Variants in GSE1 observed in about 807,000 individuals in gnomAD.
The protein encoded by GSE1 is Gse1 coiled-coil protein.
In GSE1, 32 loss-of-function variants were observed where a neutral mutation model predicts 112.6. The ratio of observed to expected loss-of-function variants is 0.28; its 90% confidence interval spans 0.21 to 0.38. The LOEUF (loss-of-function observed/expected upper bound fraction) is 0.38. Ranked by LOEUF, GSE1 falls within the 10% of genes least tolerant of loss-of-function variation. The pLI is 1.00. For synonymous variants in GSE1, 1,115 were observed against 735.6 expected (o/e 1.52, Z -8.35); for missense variants, 2,348 against 1,699.2 (o/e 1.38, Z -6.71).
chr16:85,548,243 A>AAAG (rs1555530643), intron 2 of GSE1, among the ~76,000 whole-genome samples: 7 of 132,218 alleles, frequency 5.3e-5, no homozygotes, highest in African/African-American at 1.7e-4. Context: ...AAAAAAAAAA[A>AAAG]AAAGAAAGAA....
At position 85,641,794 on chromosome 16, in the gene GSE1, C is replaced by G. The variant is rs531270178; in HGVS notation, c.227-6758C>G. The stretch of plus-strand genomic sequence containing the variant: ...AAGGAAAGTGGCTGGGGTGACTCAG[C>G]TCCTGTCCCACTTCCCTACTCACTG... On this transcript the variant is annotated intron_variant, in intron 2 of 15. Coordinates refer to ENST00000253458, the MANE Select transcript of GSE1 (RefSeq NM_014615.5). Among the ~76,000 whole-genome samples the G allele has an allele frequency of 5.9e-5, 9 of 152,378 alleles. 1 individual carries two copies. The East Asian group carries it at 1.7e-3, about 29-fold the overall frequency.
At chr16:85,344,863 T>C (rs2046700450) in intron 1 of GSE1, among the ~76,000 whole-genome samples, 1 of 152,218 alleles carries the variant, frequency 6.6e-6, no homozygotes. Flanking sequence ...TGGTGCCATG[T>C]GTGCTTCAGA....
chr16:85,524,003 G>A (rs938521028), intron 2 of GSE1, among the ~76,000 whole-genome samples: 3 of 152,304 alleles, frequency 2.0e-5, no homozygotes, highest in African/African-American at 4.8e-5. Flanking sequence ...TGCTGTTTCC[G>A]AGACCCCTGT....
chr16:85,674,665 G>C lies in GSE1; in HGVS notation c.*2126G>C, dbSNP rs557359666. ...TAAAGTAAAAGGGAAAAGTAGATCCGATAACTTAAAAACGTAGCTCATCCC... is the reference window on the plus strand; with the variant it reads ...TAAAGTAAAAGGGAAAAGTAGATCCCATAACTTAAAAACGTAGCTCATCCC... On this transcript the variant is annotated 3_prime_UTR_variant, in exon 16 of 16. Transcript: ENST00000253458. 6.6e-6 allele frequency: 1 copy of C among 152,208 alleles called. No homozygotes were observed. Among genetic ancestry groups the C allele is most frequent in the African/African-American group, 2.4e-5 (1 of 41,446 alleles). The allele number at this position is 152,208 out of a possible 1,614,324, so 9.4% of individuals were successfully genotyped here. A position where few individuals can be genotyped will look rare whatever the true frequency, so the allele number is the denominator to read the frequency against.
At chr16:85,517,849 A>G (rs1234364169) in intron 2 of GSE1, among the ~76,000 whole-genome samples, 5 of 152,248 alleles carry the variant, frequency 3.3e-5, no homozygotes, top group African/African-American at 1.2e-4. Context: ...CGCCGTGAAG[A>G]ACGACAAGCG....
chr16:85,329,228 C>T (rs1172182379), intron 1 of GSE1, among the ~76,000 whole-genome samples: 4 of 152,162 alleles, frequency 2.6e-5, no homozygotes, highest in Non-Finnish European at 5.9e-5. Flanking sequence ...CTTTTCTGCA[C>T]CTCAGTTTGT....
At chr16:85,189,499 G>A (rs184092380) in intron 1 of GSE1, among the ~76,000 whole-genome samples, 3 of 152,300 alleles carry the variant, frequency 2.0e-5, no homozygotes, top group African/African-American at 7.2e-5. Flanking sequence ...CAGTGAAAAT[G>A]GGAGGTTAGG....
chr16:85,623,410 A>G (rs1409854491), intron 1 of GSE1, among the ~76,000 whole-genome samples: 7 of 151,990 alleles, frequency 4.6e-5, no homozygotes, highest in Admixed American at 1.3e-4. Context: ...CCCTCTCTCC[A>G]TGGTACTGAC....
At chr16:85,649,582 C>G (rs2051163208) in intron 3 of GSE1, among the ~76,000 whole-genome samples, 1 of 152,176 alleles carries the variant, frequency 6.6e-6, no homozygotes, top group South Asian at 2.1e-4. Flanking sequence ...AGCTGCTCTT[C>G]TGCCGCTGCC....
intron 2 of GSE1, among the ~76,000 whole-genome samples, chr16:85,636,092 C>T (rs2049972881): frequency 6.6e-6 from 1 of 152,258 alleles, no homozygotes. Context: ...TGGCGGGAGG[C>T]CAGACACCAT....
chr16:85,672,181 G>A (rs551583917), intron 15 of GSE1: 1 of 543,830 alleles, frequency 1.8e-6, no homozygotes, highest in Admixed American at 2.4e-5. Context: ...TTGTTTAGTA[G>A]ATGGGGTTTC....
chr16:85,197,895 G>T (rs1401231960), intron 1 of GSE1, among the ~76,000 whole-genome samples: 1 of 152,234 alleles, frequency 6.6e-6, no homozygotes, highest in East Asian at 1.9e-4. Flanking sequence ...GCAAAAATCA[G>T]CGTGGTTCTC....
At position 85,270,235 on chromosome 16, in the gene GSE1, C is replaced by T. The variant is rs112618025; in HGVS notation, c.2284-87228C>T. On this transcript the variant is annotated intron_variant, in intron 1 of 2. Coordinates refer to the GSE1 transcript ENST00000637419. The stretch of plus-strand genomic sequence containing the variant: ...TCCCACCTGCCACAGCACAACTCTG[C>T]GGTCTCTGGGGACAAAACAGAACCA... Among the ~76,000 whole-genome samples, 443 of 149,020 alleles carry T rather than the reference C, an allele frequency of 3.0e-3. 45 individuals carry two copies. The highest frequency in any genetic ancestry group is 5.3e-3 in the Non-Finnish European group (353 of 66,044).
chr16:85,553,832 A>G (rs1212851379), upstream of GSE1, among the ~76,000 whole-genome samples: 2 of 152,132 alleles, frequency 1.3e-5, no homozygotes, highest in Admixed American at 1.3e-4. Flanking sequence ...TCTCTAGGGT[A>G]TCGTATTCCG....
Position 85,548,820 on chromosome 16 carries a change from T to TGA in GSE1, c.2465-85094_2465-85093insGA, listed in dbSNP as rs199870941. Among the ~76,000 whole-genome samples the TGA allele has an allele frequency of 8.0e-3, 1,219 of 152,296 alleles. 14 individuals are homozygous for TGA. Among genetic ancestry groups the TGA allele is most frequent in the African/African-American group, 0.027 (1,126 of 41,554 alleles). On this transcript the variant is annotated intron_variant, in intron 2 of 2. Coordinates refer to the GSE1 transcript ENST00000637419. ...TTCTTTTTTTGTTGGAGACGGAGTC[T>TGA]CACTCTGTCACCAGGCTGGAGTGCA...
chr16:85,366,186 C>T (rs1253194775), intron 2 of GSE1, among the ~76,000 whole-genome samples: 4 of 152,396 alleles, frequency 2.6e-5, no homozygotes, highest in South Asian at 2.1e-4. Context: ...TTGCCTGTAG[C>T]GGCTCCGCTG....
chr16:85,479,223 G>A (rs4782708), intron 2 of GSE1, among the ~76,000 whole-genome samples: 21,357 of 131,702 alleles, frequency 0.16, 2,779 homozygotes, highest in African/African-American at 0.37. Flanking sequence ...TAGTAGAGAC[G>A]GGGTTTCACC....
chr16:85,313,272 T>C, intron 1 of GSE1, among the ~76,000 whole-genome samples: 1 of 152,116 alleles, frequency 6.6e-6, no homozygotes, highest in East Asian at 1.9e-4. Context: ...CCTGCCCTGC[T>C]TCTCCTTGGG....
intron 2 of GSE1, among the ~76,000 whole-genome samples, chr16:85,476,181 C>T (rs571749926): frequency 3.2e-4 from 48 of 152,350 alleles, no homozygotes; most frequent in African/African-American, 1.1e-3. Context: ...ATCCTCCTGC[C>T]TGGGCCTCCC....
Sources: gnomAD v4.1 joint callset for allele counts (sites outside exome capture counted in the v4.1 genomes callset) on GRCh38, gnomAD v4.1.1 for gene constraint, MANE v1.5 for transcripts, NCBI Gene and HGNC (gene_info 2026-07-23, HGNC 2026-07-21) for gene names.